The following ABTB2 variants were observed in gnomAD, a reference collection of about 807,000 sequenced individuals.
ABTB2 encodes ankyrin repeat and BTB/POZ domain-containing protein 2.
A neutral mutation model predicts 104.1 loss-of-function variants in ABTB2; 56 were observed. The ratio of observed to expected loss-of-function variants is 0.54; its 90% CI spans 0.43 to 0.67. ABTB2 has a LOEUF of 0.67. Ranked by LOEUF, ABTB2 falls within the 30% of genes least tolerant of loss-of-function variation. The pLI, the probability that ABTB2 is intolerant of heterozygous loss-of-function variation, is 0.00. For synonymous variants in ABTB2, 606 were observed against 608.2 expected, an observed-to-expected ratio of 1.00 and a Z score of 0.05; for missense variants, 1,279 against 1,407.7, an observed-to-expected ratio of 0.91 and a Z score of 1.46.
At chr11:34,236,559 C>T (rs1853846427) in intron 1 of ABTB2, among the ~76,000 whole-genome samples, 1 of 152,140 alleles carries the variant, frequency 6.6e-6, no homozygotes, top group South Asian at 2.1e-4. Flanking sequence ...CCAGAGGACC[C>T]CATTCTCTTT....
intron 5 of ABTB2, among the ~76,000 whole-genome samples, chr11:34,169,344 G>A (rs565551710): frequency 3.3e-5 from 5 of 152,046 alleles, no homozygotes; most frequent in Non-Finnish European, 5.9e-5. Flanking sequence ...ACAGCAATAC[G>A]ACTACAATAA....
In ABTB2 at chr11:34,197,433, C is replaced by A. The variant is rs1485892250; in HGVS notation, c.1136G>T (p.Trp379Leu). Residue 379 changes from tryptophan (W) to leucine (L), a missense_variant, in exon 3 of 17, where the codon TGG becomes TTG. Physicochemically the swap from Trp to Leu is moderately conservative, Grantham distance 61. Transcript: ENST00000435224. Reference protein sequence around the residue: ...QARQPPQPITWSPDALHTLYY... With the variant: ...QARQPPQPITLSPDALHTLYY... Reference sequence around the variant, plus strand: ...GAGCGTGTGGAGGGCGTCGGGGGACCAAGTGATGGGCTGTGGCGGCTGGCG... The same window carrying A: ...GAGCGTGTGGAGGGCGTCGGGGGACAAAGTGATGGGCTGTGGCGGCTGGCG... The A allele has an allele frequency of 1.2e-6, 2 of 1,606,204 alleles. No homozygotes were observed. The highest frequency in any genetic ancestry group is 3.4e-5 in the Admixed American group (2 of 59,438).
chr11:34,329,170 T>C (rs1855102435), intron 1 of ABTB2, among the ~76,000 whole-genome samples: 1 of 152,232 alleles, frequency 6.6e-6, no homozygotes, highest in Non-Finnish European at 1.5e-5. Context: ...AAAGGTTTCA[T>C]TAGAACAAAT....
At chr11:34,344,911 A>C in intron 1 of ABTB2, among the ~76,000 whole-genome samples, 1 of 151,694 alleles carries the variant, frequency 6.6e-6, no homozygotes, top group African/African-American at 2.4e-5. Context: ...GTCAATGGCC[A>C]CTCCCTCCTT....
intron 1 of ABTB2, among the ~76,000 whole-genome samples, chr11:34,219,052 G>GTTTA (rs1853583278): frequency 3.6e-5 from 2 of 55,240 alleles, no homozygotes; most frequent in African/African-American, 4.8e-5. Context: ...ATTATACCAA[G>GTTTA]CTTAGTGCTA....
chr11:34,279,396 CG>C (rs1854423328), intron 1 of ABTB2, among the ~76,000 whole-genome samples: 1 of 152,124 alleles, frequency 6.6e-6, no homozygotes, highest in Non-Finnish European at 1.5e-5. Context: ...CTGCCATGCC[CG>C]GTCTGTTCTT....
At chr11:34,322,134 C>A (rs548811984) in intron 1 of ABTB2, among the ~76,000 whole-genome samples, 13 of 152,112 alleles carry the variant, frequency 8.5e-5, no homozygotes, top group Non-Finnish European at 1.0e-4. Context: ...CAGAAAGGCA[C>A]GCAAAACCCA....
intron 1 of ABTB2, among the ~76,000 whole-genome samples, chr11:34,246,340 G>T (rs111365625): frequency 6.6e-6 from 1 of 152,062 alleles, no homozygotes; most frequent in Middle Eastern, 3.2e-3. Context: ...GGTGGCTCAC[G>T]CCTGTAATCC....
chr11:34,356,404 T>G lies in ABTB2; in HGVS notation c.883+297A>C, dbSNP rs1590269119. On this transcript the variant is annotated intron_variant, in intron 1 of 16. Transcript: ENST00000435224. The surrounding 1 kb of genome is among the most constrained non-coding windows in gnomAD (Gnocchi z 4.6). ...CAGTAAGTTTCATTTCAAGAGAGGT[T>G]CAGGAATGGCTTGGTCAAGAGATTC... 6.6e-6 allele frequency among the ~76,000 whole-genome samples: 1 copy of G among 152,158 alleles called. No individual in the cohort carries two copies. The highest frequency in any genetic ancestry group is 3.4e-3 in the Middle Eastern group (1 of 294).
chr11:34,173,216 C>G lies in ABTB2; in HGVS notation c.1336G>C (p.Asp446His). The change falls in exon 4 of 17, where the codon GAC becomes CAC. Residue 446 changes from aspartate (D) to histidine (H), a missense_variant. By Grantham distance (81) the Asp-to-His change is moderately conservative. Transcript: ENST00000435224. The stretch of plus-strand genomic sequence containing the variant: ...AGCAGCCGGGCTGCCTGCCGGATGT[C>G]GCCGCTGTCCACGGTGAGGCTGCGG... ...HRRSLTVDSG[D>H]IRQAARLLLP... 6.2e-7 allele frequency: 1 copy of G among 1,613,592 alleles called. No individual in the cohort carries two copies. The highest frequency in any genetic ancestry group is 8.5e-7 in the Non-Finnish European group (1 of 1,179,912).
intron 1 of ABTB2, among the ~76,000 whole-genome samples, chr11:34,234,280 C>T (rs1853811355): frequency 6.6e-6 from 1 of 152,180 alleles, no homozygotes; most frequent in Non-Finnish European, 1.5e-5. Flanking sequence ...AGACACCTTA[C>T]TCAAGGAGGC....
Position 34,357,194 on chromosome 11 carries a change from C to G in ABTB2, c.390G>C (p.Gly130=). ...CGCGGATCAGTGCCCTGCGGAGCAG[C>G]CCGGCCAGGCGCCTCACCGCCTCGG... is the stretch of plus-strand genomic sequence containing the variant. The part of the protein sequence containing the change: ...FSAEAVRRLA[G]LLRRALIRVA... Residue 130 remains glycine (G), a synonymous_variant, in exon 1 of 17, where the codon GGG becomes GGC. Transcript: ENST00000435224. The G allele has an allele frequency of 6.6e-7, 1 of 1,508,342 alleles. No individual in the cohort carries two copies. Among genetic ancestry groups the G allele is most frequent in the South Asian group, 1.2e-5 (1 of 80,302 alleles). The allele number at this position is 1,508,342 out of a possible 1,614,324, so 93.4% of individuals were successfully genotyped here.
rs79510237 is a variant in ABTB2, at chr11:34,292,134, C to G, written c.883+64567G>C. Among the ~76,000 whole-genome samples the G allele has an allele frequency of 2.2e-3, 334 of 152,198 alleles. 1 individual carries two copies. The highest frequency in any genetic ancestry group is 7.3e-3 in the African/African-American group (305 of 41,522). On this transcript the variant is annotated intron_variant, in intron 1 of 16. Coordinates refer to ENST00000435224, the MANE Select transcript of ABTB2 (RefSeq NM_145804.3). Reference sequence around the variant, plus strand: ...AGTCAAGCATATAGTGTATTTCATTCTGCTTGAGACACTGGCCTAAGTCCC... The same window carrying G: ...AGTCAAGCATATAGTGTATTTCATTGTGCTTGAGACACTGGCCTAAGTCCC...
intron 1 of ABTB2, among the ~76,000 whole-genome samples, chr11:34,306,108 C>T (rs889552569): frequency 6.6e-6 from 1 of 152,072 alleles, no homozygotes; most frequent in African/African-American, 2.4e-5. Context: ...TCTAAGAATA[C>T]AGTTAGGTAT....
intron 3 of ABTB2, among the ~76,000 whole-genome samples, chr11:34,196,629 G>T (rs1214506292): frequency 6.6e-6 from 1 of 152,222 alleles, no homozygotes; most frequent in Non-Finnish European, 1.5e-5. Flanking sequence ...CCCTCATTGG[G>T]TTCTGTTGTG....
intron 1 of ABTB2, among the ~76,000 whole-genome samples, chr11:34,352,892 CA>C (rs775153549): frequency 4.6e-5 from 7 of 152,030 alleles, no homozygotes; most frequent in Non-Finnish European, 7.4e-5. Flanking sequence ...CCTGTCTCTA[CA>C]AAAATAAAAT....
At chr11:34,196,590 A>G (rs946360470) in intron 3 of ABTB2, among the ~76,000 whole-genome samples, 13 of 152,176 alleles carry the variant, frequency 8.5e-5, no homozygotes, top group African/African-American at 3.1e-4. Context: ...TCAGGCTGAC[A>G]TGGCCCCACG....
At chr11:34,274,446 T>C (rs1032657095) in intron 1 of ABTB2, among the ~76,000 whole-genome samples, 2 of 152,086 alleles carry the variant, frequency 1.3e-5, no homozygotes, top group African/African-American at 4.8e-5. Context: ...TCCTCTCACC[T>C]GGACTCTCAG....
chr11:34,229,546 C>G (rs1295427596), intron 1 of ABTB2, among the ~76,000 whole-genome samples: 1 of 151,614 alleles, frequency 6.6e-6, no homozygotes, highest in Admixed American at 6.6e-5. Context: ...GACTTCTGTG[C>G]TAGAATGGGT....
Sources: allele counts gnomAD v4.1 joint callset (sites outside exome capture counted in the v4.1 genomes callset), GRCh38; gene constraint gnomAD v4.1.1; non-coding constraint Gnocchi (gnomAD v3.1); transcripts MANE v1.5; gene names NCBI Gene and HGNC (gene_info 2026-07-23, HGNC 2026-07-21).